Variants in NOS1AP observed in about 807,000 individuals in gnomAD.
The protein encoded by NOS1AP is carboxyl-terminal PDZ ligand of neuronal nitric oxide synthase protein.
A neutral mutation model predicts 56.2 loss-of-function variants in NOS1AP; 21 were observed. The ratio of observed to expected loss-of-function variants is 0.37; its 90% CI spans 0.26 to 0.54. NOS1AP has a LOEUF of 0.54. Among genes scored for constraint, NOS1AP ranks in the 20% least tolerant of loss-of-function variants. The pLI is 0.84. For synonymous variants in NOS1AP, 270 were observed against 274.6 expected, an observed-to-expected ratio of 0.98 and a Z score of 0.17; for missense variants, 522 against 657.8, an observed-to-expected ratio of 0.79 and a Z score of 2.26.
At chr1:162,262,055 T>C (rs1473942710) in intron 2 of NOS1AP, among the ~76,000 whole-genome samples, 3 of 152,156 alleles carry the variant, frequency 2.0e-5, no homozygotes, top group Admixed American at 6.5e-5. Flanking sequence ...GAGAAAGTAG[T>C]AGATGAGCAA....
chr1:162,323,676 C>T (rs930519494), intron 4 of NOS1AP, among the ~76,000 whole-genome samples: 3 of 152,194 alleles, frequency 2.0e-5, no homozygotes, highest in Non-Finnish European at 4.4e-5. Flanking sequence ...AACTACTATG[C>T]GGCAGACCCT....
intron 2 of NOS1AP, among the ~76,000 whole-genome samples, chr1:162,251,624 G>T (rs964514601): frequency 2.6e-5 from 4 of 151,518 alleles, no homozygotes; most frequent in African/African-American, 4.9e-5. Context: ...GTGTGTGTGT[G>T]TGTGTGTGTC....
chr1:162,105,685 C>T (rs978640320), intron 1 of NOS1AP, among the ~76,000 whole-genome samples: 7 of 152,326 alleles, frequency 4.6e-5, no homozygotes, highest in African/African-American at 9.6e-5. Flanking sequence ...AGTCTGGCCA[C>T]GATCTGGCAA....
intron 2 of NOS1AP, among the ~76,000 whole-genome samples, chr1:162,243,494 T>C (rs536740871): frequency 3.2e-4 from 48 of 152,298 alleles, no homozygotes; most frequent in African/African-American, 1.2e-3. Flanking sequence ...GCCCTGACCT[T>C]ATCGGAAAAG....
intron 2 of NOS1AP, among the ~76,000 whole-genome samples, chr1:162,286,901 A>G (rs944027570): frequency 3.9e-5 from 6 of 152,210 alleles, no homozygotes; most frequent in African/African-American, 1.4e-4. Context: ...ATTCATAATT[A>G]TCTTTCAGTG....
At chr1:162,081,036 C>T (rs1257808086) in intron 1 of NOS1AP, among the ~76,000 whole-genome samples, 1 of 152,122 alleles carries the variant, frequency 6.6e-6, no homozygotes, top group Non-Finnish European at 1.5e-5. Context: ...AGGGTGTCTC[C>T]ATTGTTAACT....
At chr1:162,071,346 G>A (rs1298916845) in intron 1 of NOS1AP, among the ~76,000 whole-genome samples, 1 of 152,206 alleles carries the variant, frequency 6.6e-6, no homozygotes, top group Non-Finnish European at 1.5e-5. Context: ...GATGGTGTAC[G>A]TGCAGGCTGT....
chr1:162,274,076 C>T (rs1654666928), intron 2 of NOS1AP, among the ~76,000 whole-genome samples: 1 of 151,844 alleles, frequency 6.6e-6, no homozygotes, highest in Non-Finnish European at 1.5e-5. Context: ...CTAGGGTAAA[C>T]ACTTAGCTGA....
intron 4 of NOS1AP, among the ~76,000 whole-genome samples, chr1:162,302,038 T>A (rs1571203487): frequency 6.6e-6 from 1 of 152,206 alleles, no homozygotes; most frequent in Non-Finnish European, 1.5e-5. Flanking sequence ...TTTAGACTAG[T>A]GGGAAATGGA....
At chr1:162,181,642 T>C (rs1217613002) in intron 2 of NOS1AP, among the ~76,000 whole-genome samples, 15 of 152,142 alleles carry the variant, frequency 9.9e-5, no homozygotes, top group African/African-American at 3.6e-4. Flanking sequence ...CCTTTTGAAT[T>C]AGGGGGTGAT....
At chr1:162,147,819 AAAG>A (rs1420218897) in intron 1 of NOS1AP, among the ~76,000 whole-genome samples, 1 of 152,206 alleles carries the variant, frequency 6.6e-6, no homozygotes, top group African/African-American at 2.4e-5. Flanking sequence ...TGTTAATGAA[AAAG>A]AAGTAGGCCC....
chr1:162,084,159 C>T (rs1246555366), intron 1 of NOS1AP, among the ~76,000 whole-genome samples: 2 of 152,204 alleles, frequency 1.3e-5, no homozygotes, highest in Non-Finnish European at 2.9e-5. Flanking sequence ...TATTATCTGT[C>T]ATCTTCGCGT....
intron 1 of NOS1AP, among the ~76,000 whole-genome samples, chr1:162,151,803 G>A (rs1649717628): frequency 6.6e-6 from 1 of 152,072 alleles, no homozygotes. Context: ...AGTGTGTGGT[G>A]TGAGTGTGAT....
chr1:162,098,935 C>G (rs1004433362), intron 1 of NOS1AP, among the ~76,000 whole-genome samples: 2 of 152,154 alleles, frequency 1.3e-5, no homozygotes, highest in African/African-American at 4.8e-5. Context: ...TAGGTTGATT[C>G]CATGTCTTTG....
chr1:162,111,455 T>A (rs1395497755), intron 1 of NOS1AP, among the ~76,000 whole-genome samples: 1 of 152,144 alleles, frequency 6.6e-6, no homozygotes, highest in Non-Finnish European at 1.5e-5. Context: ...TGTTGACTTG[T>A]GATGGGACTC....
rs1224906481 is a variant in NOS1AP, at chr1:162,369,963, C to T, written c.*2496C>T. ...CCGACGATGTCACCCTGTCCTCCCT[C>T]CTTGCTTCTTGCTCTGCTAACTCAA... On this transcript the variant is annotated 3_prime_UTR_variant, in exon 10 of 10. Coordinates refer to ENST00000361897, the MANE Select transcript of NOS1AP (RefSeq NM_014697.3). 1.3e-5 allele frequency: 2 copies of T among 152,626 alleles called. No homozygotes were observed. The highest frequency in any genetic ancestry group is 2.9e-5 in the Non-Finnish European group (2 of 68,356). 9.5% of individuals were successfully genotyped at this position (152,626 alleles called of 1,614,324 possible).
intron 2 of NOS1AP, among the ~76,000 whole-genome samples, chr1:162,272,116 T>C (rs1654599108): frequency 6.6e-6 from 1 of 152,068 alleles, no homozygotes; most frequent in Non-Finnish European, 1.5e-5. Context: ...CCTCCTGAAG[T>C]GTGGGGATTA....
chr1:162,265,603 A>G (rs1322274832), intron 2 of NOS1AP, among the ~76,000 whole-genome samples: 8 of 152,086 alleles, frequency 5.3e-5, no homozygotes, highest in Non-Finnish European at 1.0e-4. Flanking sequence ...GAGAATACGC[A>G]GTTTCAATTT....
rs1435026091 is a variant in NOS1AP, at chr1:162,365,490, C to T, written c.1026C>T (p.Asn342=). The T allele has an allele frequency of 2.5e-6, 4 of 1,613,846 alleles. No individual in the cohort carries two copies. The African/African-American group carries it at 4.0e-5, about 16-fold the overall frequency. Residue 342 remains asparagine, a synonymous_variant, in exon 9 of 10, where the codon AAC becomes AAT. Transcript: ENST00000361897. ...QARVHQLLLQ[N]KDMLQHISLL... is the part of the protein sequence containing the mutation. ...GCGTGCATCAGCTTTTGCTGCAGAA[C>T]AAGGACATGCTCCAGCACATCTCCC...
Sources: allele counts gnomAD v4.1 joint callset (sites outside exome capture counted in the v4.1 genomes callset), GRCh38; gene constraint gnomAD v4.1.1; transcripts MANE v1.5; gene names NCBI Gene and HGNC (gene_info 2026-07-23, HGNC 2026-07-21).